CRACDL: variants seen among roughly 807,000 people sequenced by gnomAD.
CRACDL encodes the protein CRACD-like protein.
In CRACDL, 26 loss-of-function variants were observed where a neutral mutation model predicts 70.6. The observed-to-expected ratio is 0.37, with a 90% CI of 0.27 to 0.51. The LOEUF (loss-of-function observed/expected upper bound fraction) is 0.51, where lower values mean the gene tolerates loss of function less well. CRACDL is among the 20% of genes least tolerant of loss of function. The pLI is 0.94. For missense variants in CRACDL, 1,283 were observed against 1,376.9 expected, an observed-to-expected ratio of 0.93 and a Z score of 1.08; for synonymous variants, 618 against 615.2, an observed-to-expected ratio of 1.00 and a Z score of -0.07.
At chr2:98,853,112 A>T (rs1156542200) in intron 1 of CRACDL, among the ~76,000 whole-genome samples, 1 of 152,164 alleles carries the variant, frequency 6.6e-6, no homozygotes, top group Non-Finnish European at 1.5e-5. Flanking sequence ...AAAATGGTGG[A>T]AAAGATAATG....
intron 7 of CRACDL, among the ~76,000 whole-genome samples, chr2:98,813,305 G>A (rs1268707196): frequency 2.0e-5 from 3 of 152,148 alleles, no homozygotes; most frequent in African/African-American, 4.8e-5. Context: ...GGTGGTGGGT[G>A]CCTGTAATCC....
intron 7 of CRACDL, among the ~76,000 whole-genome samples, chr2:98,807,989 C>T: frequency 6.6e-6 from 1 of 152,208 alleles, no homozygotes; most frequent in Non-Finnish European, 1.5e-5. Context: ...GATGGAAATG[C>T]CCTCTGTGCT....
At chr2:98,898,023 G>A (rs1023346542) in intron 1 of CRACDL, among the ~76,000 whole-genome samples, 1 of 152,228 alleles carries the variant, frequency 6.6e-6, no homozygotes. Flanking sequence ...TGCAGCTGGG[G>A]AAGCTGCTAA....
At chr2:98,860,508 A>G (rs1353197377) in intron 1 of CRACDL, among the ~76,000 whole-genome samples, 1 of 152,256 alleles carries the variant, frequency 6.6e-6, no homozygotes, top group Admixed American at 6.5e-5. Context: ...GAGGGTGTCA[A>G]GACAACTCAA....
intron 1 of CRACDL, among the ~76,000 whole-genome samples, chr2:98,892,470 C>A (rs1038908043): frequency 2.6e-5 from 4 of 151,902 alleles, no homozygotes; most frequent in African/African-American, 9.7e-5. Flanking sequence ...GTGGGCGGAT[C>A]ACTTGAGGTA....
At chr2:98,872,377 C>T (rs1035943731) in intron 1 of CRACDL, among the ~76,000 whole-genome samples, 7 of 152,064 alleles carry the variant, frequency 4.6e-5, no homozygotes, top group Admixed American at 2.0e-4. Context: ...GAAAAGACCA[C>T]ATGTTCTCAC....
intron 1 of CRACDL, among the ~76,000 whole-genome samples, chr2:98,910,889 G>T (rs1347682971): frequency 6.6e-6 from 1 of 152,244 alleles, no homozygotes; most frequent in Non-Finnish European, 1.5e-5. Context: ...TAAATAAGGT[G>T]TTGAGCTCAA....
rs1703699966 is a variant in CRACDL at position 98,794,013 on chromosome 2, T to C, written c.*519A>G. 1 of 152,750 alleles carries C rather than the reference T, an allele frequency of 6.5e-6. No individual in the cohort carries two copies. The highest frequency in any genetic ancestry group is 1.5e-5 in the Non-Finnish European group (1 of 68,128). The allele number at this position is 152,750 out of a possible 1,614,324, so 9.5% of individuals were successfully genotyped here. On this transcript the variant is annotated 3_prime_UTR_variant, in exon 10 of 10. Coordinates refer to ENST00000397899, the MANE Select transcript of CRACDL (RefSeq NM_207362.3). ...GAGTGGCTGTCTTTAGGAAAACAGA[T>C]TGTTTTATAGCTGCTCTTGGAAACG...
Position 98,821,932 on chromosome 2 carries a change from C to G in CRACDL, c.2341G>C (p.Asp781His). The part of the protein sequence containing the change: ...FTLPHQPAPP[D>H]AGPGEREPRK... ...GGTTCCCGCTCTCCCGGGCCGGCGT[C>G]GGGGGGCGCGGGCTGGTGCGGGAGC... Residue 781 changes from aspartate to histidine, a missense_variant, in exon 7 of 10, where the codon GAC (aspartate) becomes CAC (histidine). Around this residue, in one of 2 missense-constraint regions of CRACDL, gnomAD observed 921 missense variants for 881.9 expected, o/e 1.04. Transcript: ENST00000397899. 6.4e-7 allele frequency: 1 copy of G among 1,567,766 alleles called. No individual in the cohort carries two copies. Among genetic ancestry groups the G allele is most frequent in the Non-Finnish European group, 8.6e-7 (1 of 1,161,420 alleles).
Position 98,797,334 on chromosome 2 carries a change from T to G in CRACDL, c.2604+16A>C, listed in dbSNP as rs781260555. 2.1e-5 allele frequency: 34 copies of G among 1,613,052 alleles called. No individual in the cohort carries two copies. Among genetic ancestry groups the G allele is most frequent in the African/African-American group, 5.3e-5 (4 of 74,888 alleles). On this transcript the variant is annotated intron_variant, in intron 8 of 9. Transcript: ENST00000397899. ...CCCTCCTGCACCCACAGAACAGAAGTATTTGCTCTAAGCACCTGGCCTCTC... is the reference window on the plus strand; with the variant it reads ...CCCTCCTGCACCCACAGAACAGAAGGATTTGCTCTAAGCACCTGGCCTCTC...
chr2:98,817,975 T>G (rs1208179183), intron 7 of CRACDL, among the ~76,000 whole-genome samples: 1 of 152,196 alleles, frequency 6.6e-6, no homozygotes, highest in African/African-American at 2.4e-5. Context: ...AGGAGTGATT[T>G]TTTTTTCTAC....
At chr2:98,866,215 T>G (rs1280787488) in intron 1 of CRACDL, among the ~76,000 whole-genome samples, 1 of 152,180 alleles carries the variant, frequency 6.6e-6, no homozygotes, top group East Asian at 1.9e-4. Context: ...CTGGTCAGAT[T>G]TGAAGTATCT....
chr2:98,840,547 C>T (rs377605145), intron 2 of CRACDL: 5 of 152,000 alleles, frequency 3.3e-5, no homozygotes, highest in African/African-American at 7.2e-5. Context: ...ATATCTTTAC[C>T]GATTTTTAAA....
chr2:98,845,431 G>A (rs1237270917), intron 2 of CRACDL, among the ~76,000 whole-genome samples: 1 of 152,042 alleles, frequency 6.6e-6, no homozygotes, highest in South Asian at 2.1e-4. Context: ...CTGGGCTCAA[G>A]CAATCCTCCC....
intron 1 of CRACDL, among the ~76,000 whole-genome samples, chr2:98,847,912 C>T (rs941309750): frequency 5.3e-5 from 8 of 152,136 alleles, no homozygotes; most frequent in African/African-American, 1.9e-4. Flanking sequence ...CGAGTTGGCT[C>T]TAATATTTCG....
intron 1 of CRACDL, among the ~76,000 whole-genome samples, chr2:98,900,301 C>A (rs1344450585): frequency 1.0e-5 from 1 of 99,564 alleles, no homozygotes; most frequent in Non-Finnish European, 1.9e-5. Flanking sequence ...GGGACAGAGG[C>A]TCAGTAGGAG....
chr2:98,873,222 T>C (rs916118323), intron 1 of CRACDL, among the ~76,000 whole-genome samples: 1 of 152,198 alleles, frequency 6.6e-6, no homozygotes, highest in East Asian at 1.9e-4. Flanking sequence ...CAAGATCTCA[T>C]GTCTATGAGG....
intron 7 of CRACDL, among the ~76,000 whole-genome samples, chr2:98,801,262 G>A (rs1704063086): frequency 1.3e-5 from 2 of 152,228 alleles, no homozygotes; most frequent in Admixed American, 1.3e-4. Context: ...AGGAGTGCAG[G>A]AATGGCAAAT....
At chr2:98,927,097 A>C (rs1031766767) in intron 1 of CRACDL, among the ~76,000 whole-genome samples, 1 of 152,202 alleles carries the variant, frequency 6.6e-6, no homozygotes, top group African/African-American at 2.4e-5. Context: ...GACAGCAGGG[A>C]GGGAGGCTTC....
Sources: allele counts gnomAD v4.1 joint callset (sites outside exome capture counted in the v4.1 genomes callset), GRCh38; gene constraint gnomAD v4.1.1; regional missense constraint gnomAD v4.1.1; transcripts MANE v1.5; gene names NCBI Gene and HGNC (gene_info 2026-07-23, HGNC 2026-07-21).